Variants in MUC12 observed in about 807,000 individuals in gnomAD.
The protein encoded by MUC12 is mucin-12.
Under a neutral mutation model 230.8 loss-of-function variants are expected in MUC12, and 172 were observed. That is an observed-to-expected ratio of 0.75 (90% CI 0.66 to 0.85). The LOEUF (loss-of-function observed/expected upper bound fraction) is 0.85. Ranked by LOEUF, MUC12 falls within the 40% of genes least tolerant of loss-of-function variation. The pLI, the probability that MUC12 is intolerant of heterozygous loss-of-function variation, is 0.00. For missense variants in MUC12, 3,506 were observed against 5,920.6 expected (o/e 0.59, Z 13.38); for synonymous variants, 1,259 against 2,401.9 (o/e 0.52, Z 13.91).
intron 1 of MUC12, chr7:100,972,177 AGAT>A: frequency 2.8e-6 from 2 of 702,050 alleles, no homozygotes; most frequent in African/African-American, 1.7e-5. Context: ...TCTCATGAGG[AGAT>A]CTGTGTAAGG....
intron 8 of MUC12, among the ~76,000 whole-genome samples, 186 bp downstream of exon 8, chr7:101,013,328 A>T (rs972804633): frequency 6.6e-6 from 1 of 152,120 alleles, no homozygotes; most frequent in Non-Finnish European, 1.5e-5. Flanking sequence ...GAGGAGTAGG[A>T]GTAGATTATA....
chr7:100,969,948 C>T (rs1210002448), intron 1 of MUC12, among the ~76,000 whole-genome samples: 1 of 152,308 alleles, frequency 6.6e-6, no homozygotes, highest in Non-Finnish European at 1.5e-5. Flanking sequence ...CTGAAATCCA[C>T]AGCTTCTGCT....
At chr7:100,970,449 T>C (rs549098835) in intron 1 of MUC12, among the ~76,000 whole-genome samples, 1 of 137,964 alleles carries the variant, frequency 7.2e-6, no homozygotes, top group African/African-American at 2.8e-5. Flanking sequence ...ATTGTGGCAC[T>C]GCACTCCAGC....
Position 100,995,646 on chromosome 7 carries a change from T to G in MUC12, c.5083T>G (p.Ser1695Ala). ...TACCACCTTCCAGAGCTGGCCAAGC[T>G]CAAAGGACACTATGCCTGCACCTCC... ...ESTTFQSWPS[S>A]KDTMPAPPTT... Residue 1695 changes from serine (S) to alanine (A), a missense_variant, in exon 2 of 12, where the codon TCA becomes GCA. Transcript: ENST00000536621. 5 of 1,537,006 alleles carry G rather than the reference T, an allele frequency of 3.3e-6. No homozygotes were observed. Among genetic ancestry groups the G allele is most frequent in the Non-Finnish European group, 4.4e-6 (5 of 1,147,068 alleles).
chr7:101,014,290 G>T (rs118123791), intron 9 of MUC12: 4 of 469,706 alleles, frequency 8.5e-6, no homozygotes, highest in African/African-American at 4.0e-5. Context: ...AGTCCATTTT[G>T]TGCTATTATA....
chr7:100,992,514 A>G lies in MUC12; in HGVS notation c.1951A>G (p.Thr651Ala). ...CACTAGGCCTGCACCTCCTACTACCACATCAGCCTTTGTTGAGCCATCTAC... is the reference window on the plus strand; with the variant it reads ...CACTAGGCCTGCACCTCCTACTACCGCATCAGCCTTTGTTGAGCCATCTAC... ...KDTRPAPPTT[T>A]SAFVEPSTTS... The change falls in exon 2 of 12, where the codon ACA becomes GCA. Residue 651 changes from threonine to alanine, a missense_variant. Thr to Ala is a moderately conservative substitution (Grantham distance 58). Coordinates refer to ENST00000536621, the MANE Select transcript of MUC12 (RefSeq NM_001164462.2). 6.5e-7 allele frequency: 1 copy of G among 1,537,854 alleles called. No individual in the cohort carries two copies.
Position 100,972,077 on chromosome 7 carries a change from G to A in MUC12, c.67+2388G>A, listed in dbSNP as rs754480839. ...AGGGCCACTCCGGAGGGCTCCGGAA[G>A]ATCTGATTAGATCCAGAGACCCCCT... is the stretch of plus-strand genomic sequence containing the variant. On this transcript the variant is annotated intron_variant, in intron 1 of 11. Transcript: ENST00000536621. 2.4e-4 allele frequency: 168 copies of A among 702,714 alleles called. No homozygotes were observed. In the African/African-American group the frequency reaches 2.8e-3, roughly 12 times the overall value. 43.5% of individuals were successfully genotyped at this position (702,714 alleles called of 1,614,324 possible). A position where few individuals can be genotyped will look rare whatever the true frequency, so the allele number is the denominator to read the frequency against.
intron 8 of MUC12, among the ~76,000 whole-genome samples, chr7:101,013,515 A>G (rs1403531920): frequency 1.3e-5 from 2 of 152,180 alleles, no homozygotes; most frequent in Non-Finnish European, 2.9e-5. Context: ...CATCTCTGCC[A>G]TGCTGTCAAG....
chr7:100,988,584 T>A (rs557325501), intron 1 of MUC12, among the ~76,000 whole-genome samples: 1 of 152,306 alleles, frequency 6.6e-6, no homozygotes. Context: ...CTTGTGTATG[T>A]AAATGCATCT....
chr7:100,995,720 C>G lies in MUC12; in HGVS notation c.5157C>G (p.Ser1719Arg). Residue 1719 changes from serine to arginine, a missense_variant, in exon 2 of 12, where the codon AGC becomes AGG. Physicochemically the swap from Ser to Arg is moderately radical, Grantham distance 110. Transcript: ENST00000536621. Reference sequence around the variant, plus strand: ...AGCTATCTACAACCTCCCACGGCAGCCCGAGCTCAACTCCAACAACCCACT... The same window carrying G: ...AGCTATCTACAACCTCCCACGGCAGGCCGAGCTCAACTCCAACAACCCACT... ...FVELSTTSHGSPSSTPTTHFS... is the reference protein window; with the variant it reads ...FVELSTTSHGRPSSTPTTHFS... The G allele has an allele frequency of 6.5e-7, 1 of 1,536,270 alleles. No individual in the cohort carries two copies. The highest frequency in any genetic ancestry group is 8.7e-7 in the Non-Finnish European group (1 of 1,146,626).
At chr7:101,015,850 A>C (rs1464143922) in intron 10 of MUC12, among the ~76,000 whole-genome samples, 159 bp downstream of exon 10, 1 of 152,086 alleles carries the variant, frequency 6.6e-6, no homozygotes, top group African/African-American at 2.4e-5. Flanking sequence ...CCGGACCCAG[A>C]CACCACCCCT....
In MUC12 at chr7:101,015,674, AGACG is replaced by A. The variant is rs1335756420; in HGVS notation, c.15862_15865del (p.Thr5288ProfsTer8). 1.3e-6 allele frequency: 2 copies of A among 1,537,560 alleles called. No homozygotes were observed. Among genetic ancestry groups the A allele is most frequent in the Non-Finnish European group, 1.7e-6 (2 of 1,146,940 alleles). On this transcript the variant is annotated frameshift_variant, in exon 10 of 12. Transcript: ENST00000536621. LOFTEE classifies it high-confidence loss of function. The stretch of plus-strand genomic sequence containing the variant: ...GAAGGCACCCCTGGCATCTTCCAGA[AGACG>A]GCCATCTGGGAAGGTACCTCTAGTT...
chr7:101,017,803 C>T, intron 11 of MUC12, 140 bp downstream of exon 11: 1 of 538,008 alleles, frequency 1.9e-6, no homozygotes, highest in Non-Finnish European at 3.2e-6. Flanking sequence ...GGACCCCTTC[C>T]CTTTCCCTTC....
At chr7:101,011,816 C>A (rs1180325408) in intron 5 of MUC12, among the ~76,000 whole-genome samples, 1 of 152,184 alleles carries the variant, frequency 6.6e-6, no homozygotes, top group Non-Finnish European at 1.5e-5. Flanking sequence ...TTGCTTCCAC[C>A]TTTTGGCTAT....
In MUC12 at chr7:100,991,347, A is replaced by G. The variant is rs555995393; in HGVS notation, c.784A>G (p.Thr262Ala). ...CAGCAGCACTGGATCGCCACACACA[A>G]CACTGTCCCCTTCCAGCTCTACAAC... ...VHSSTGSPHT[T>A]LSPSSSTTHE... The change falls in exon 2 of 12, where the codon ACA (threonine) becomes GCA (alanine). Residue 262 changes from threonine to alanine, a missense_variant. Thr to Ala is a moderately conservative substitution (Grantham distance 58). Coordinates refer to ENST00000536621, the MANE Select transcript of MUC12 (RefSeq NM_001164462.2). 61 of 1,537,732 alleles carry G rather than the reference A, an allele frequency of 4.0e-5. No individual in the cohort carries two copies. The South Asian group carries it at 7.1e-4, about 18-fold the overall frequency.
At chr7:100,981,414 C>G in intron 1 of MUC12, 2 of 632,774 alleles carry the variant, frequency 3.2e-6, no homozygotes, top group Non-Finnish European at 5.7e-6. Flanking sequence ...GCCCAGGGGA[C>G]GACGGGGATG....
chr7:100,969,845 CTTTGGGGGTG>C (rs1792816901), intron 1 of MUC12, among the ~76,000 whole-genome samples, 156 bp downstream of exon 1: 1 of 152,310 alleles, frequency 6.6e-6, no homozygotes, highest in Non-Finnish European at 1.5e-5. Context: ...CCTCATCTTG[CTTTGGGGGTG>C]CTGAAGAGGT....
At chr7:100,974,640 G>T (rs368251751) in intron 1 of MUC12, among the ~76,000 whole-genome samples, 2,726 of 20,186 alleles carry the variant, frequency 0.14, no homozygotes, top group Middle Eastern at 0.18. Flanking sequence ...AGCAACATAG[G>T]GAGACCCTGT....
intron 1 of MUC12, chr7:100,972,194 T>A (rs1275882914): frequency 4.3e-6 from 3 of 703,174 alleles, no homozygotes; most frequent in Middle Eastern, 2.3e-4. Context: ...TGTAAGGAAG[T>A]CGGGGCAGAT....
Sources: gnomAD v4.1 joint callset for allele counts (sites outside exome capture counted in the v4.1 genomes callset) on GRCh38, gnomAD v4.1.1 for gene constraint, MANE v1.5 for transcripts, NCBI Gene and HGNC (gene_info 2026-07-23, HGNC 2026-07-21) for gene names.